The following PPP2R2C variants were observed in gnomAD, a reference collection of about 807,000 sequenced individuals.
The protein encoded by PPP2R2C is protein phosphatase 2, regulatory subunit B, gamma.
A neutral mutation model predicts 45.3 loss-of-function variants in PPP2R2C; 10 were observed. That is an observed-to-expected ratio of 0.22 (90% CI 0.14 to 0.37). PPP2R2C has a LOEUF of 0.37. Among genes scored for constraint, PPP2R2C ranks in the 10% least tolerant of loss-of-function variants. PPP2R2C has a pLI of 1.00. For synonymous variants in PPP2R2C, 257 were observed against 245.4 expected (o/e 1.05, Z -0.44); for missense variants, 308 against 619.7 (o/e 0.50, Z 5.34).
chr4:6,338,902 C>T (rs1411415944), intron 6 of PPP2R2C, among the ~76,000 whole-genome samples: 1 of 152,226 alleles, frequency 6.6e-6, no homozygotes, highest in African/African-American at 2.4e-5. Flanking sequence ...CTGAGCCCAG[C>T]TTCCCTCATC....
At chr4:6,492,702 C>T (rs544970015) in intron 2 of PPP2R2C, among the ~76,000 whole-genome samples, 8 of 152,180 alleles carry the variant, frequency 5.3e-5, no homozygotes, top group Non-Finnish European at 1.2e-4. Flanking sequence ...AAACTGCCTG[C>T]ACCCACATGC....
At position 6,559,395 on chromosome 4, in the gene PPP2R2C, G is replaced by GCACA. The variant is rs58400617; in HGVS notation, c.-59+4161_-59+4164dup. ...AATGGCAGTTCTGAAAAAATACACAGCACACACACACACACACACACACAC... is the reference window on the plus strand; with the variant it reads ...AATGGCAGTTCTGAAAAAATACACAGCACACACACACACACACACACACACACAC... On this transcript the variant is annotated intron_variant, in intron 1 of 9. Transcript: ENST00000506140. Among the ~76,000 whole-genome samples the GCACA allele has an allele frequency of 4.1e-3, 592 of 144,856 alleles. 1 individual carries two copies. Among genetic ancestry groups the GCACA allele is most frequent in the African/African-American group, 0.011 (403 of 37,794 alleles).
intron 1 of PPP2R2C, among the ~76,000 whole-genome samples, chr4:6,434,996 C>T (rs1478149103): frequency 2.6e-5 from 4 of 152,284 alleles, no homozygotes; most frequent in African/African-American, 7.2e-5. Context: ...CTCACCATAT[C>T]AATATTTTCT....
chr4:6,478,133 C>T (rs1185017640), intron 2 of PPP2R2C, among the ~76,000 whole-genome samples: 3 of 152,190 alleles, frequency 2.0e-5, no homozygotes, highest in East Asian at 1.9e-4. Flanking sequence ...CTCATGCTCC[C>T]GCCGACAGTG....
chr4:6,396,632 T>C (rs907871016), intron 1 of PPP2R2C, among the ~76,000 whole-genome samples: 4 of 152,244 alleles, frequency 2.6e-5, no homozygotes, highest in African/African-American at 9.6e-5. Flanking sequence ...AAGCATTTCA[T>C]ACCCATGATC....
intron 2 of PPP2R2C, among the ~76,000 whole-genome samples, chr4:6,533,846 G>T (rs1453568965): frequency 6.6e-6 from 1 of 151,962 alleles, no homozygotes; most frequent in Non-Finnish European, 1.5e-5. Flanking sequence ...CAGGCTGCTC[G>T]GTGAAAAGGT....
rs7682727 is a variant in PPP2R2C, at chr4:6,332,772, A to C, written c.960+790T>G. 6.6e-6 allele frequency among the ~76,000 whole-genome samples: 1 copy of C among 152,030 alleles called. No homozygotes were observed. The highest frequency in any genetic ancestry group is 1.5e-5 in the Non-Finnish European group (1 of 68,016). On this transcript the variant is annotated intron_variant, in intron 7 of 8. Transcript: ENST00000382599. This position sits in a 1 kb window ranked among gnomAD's most constrained non-coding sequence, Gnocchi z 4.9. ...ACAGATGTCAAGCACGTGGCACCCCATGTGTGAGGAGTGACACGGTGAGGA... is the reference window on the plus strand; with the variant it reads ...ACAGATGTCAAGCACGTGGCACCCCCTGTGTGAGGAGTGACACGGTGAGGA...
At chr4:6,451,755 G>C (rs969855920) in intron 1 of PPP2R2C, among the ~76,000 whole-genome samples, 2 of 152,164 alleles carry the variant, frequency 1.3e-5, no homozygotes, top group Non-Finnish European at 2.9e-5. Context: ...CCCGGCCTCA[G>C]TGCTCTGAGG....
intron 2 of PPP2R2C, among the ~76,000 whole-genome samples, chr4:6,479,991 A>G (rs953161524): frequency 6.6e-6 from 1 of 152,092 alleles, no homozygotes; most frequent in African/African-American, 2.4e-5. Flanking sequence ...GACTACACAC[A>G]CAAGCCAAAG....
chr4:6,383,815 C>T (rs1716033358), intron 1 of PPP2R2C: 14 of 998,944 alleles, frequency 1.4e-5, no homozygotes, highest in Non-Finnish European at 1.6e-5. Context: ...ATGCAGTAGC[C>T]AGGCCAGAGA....
intron 1 of PPP2R2C, among the ~76,000 whole-genome samples, chr4:6,547,718 T>C (rs938214652): frequency 2.0e-5 from 3 of 151,994 alleles, no homozygotes; most frequent in African/African-American, 7.3e-5. Flanking sequence ...GTGCAAAGGG[T>C]GATCTTTCAG....
In PPP2R2C at chr4:6,400,350, C is replaced by CAA. The variant is rs35519122; in HGVS notation, c.71-19258_71-19257dup. On this transcript the variant is annotated intron_variant, in intron 1 of 8. Transcript: ENST00000382599. Reference sequence around the variant, plus strand: ...TTTAAAACAAAACACAGTTATTTTCCAAAAAAAATATTATTTACGTTAACA... The same window carrying CAA: ...TTTAAAACAAAACACAGTTATTTTCCAAAAAAAAAATATTATTTACGTTAACA... 7.2e-5 allele frequency among the ~76,000 whole-genome samples: 11 copies of CAA among 151,848 alleles called. No homozygotes were observed. In the East Asian group the frequency reaches 7.8e-4, roughly 11 times the overall value.
chr4:6,505,472 G>A (rs1272426823), intron 2 of PPP2R2C, among the ~76,000 whole-genome samples: 5 of 152,088 alleles, frequency 3.3e-5, no homozygotes, highest in South Asian at 2.1e-4. Flanking sequence ...TAATCCATTC[G>A]ATAGCCATAG....
chr4:6,465,542 C>G (rs868415032), intron 1 of PPP2R2C, among the ~76,000 whole-genome samples: 11 of 152,048 alleles, frequency 7.2e-5, no homozygotes, highest in South Asian at 4.1e-4. Flanking sequence ...TGCAGAGCCT[C>G]TTATTCAAAA....
At chr4:6,437,141 C>T (rs770476491) in intron 1 of PPP2R2C, among the ~76,000 whole-genome samples, 5 of 152,186 alleles carry the variant, frequency 3.3e-5, no homozygotes, top group Non-Finnish European at 7.3e-5. Flanking sequence ...CCACTCTCAG[C>T]GTCATGGTGC....
intron 1 of PPP2R2C, among the ~76,000 whole-genome samples, chr4:6,458,288 C>T (rs574749720): frequency 2.0e-5 from 3 of 152,286 alleles, no homozygotes; most frequent in Admixed American, 1.3e-4. Context: ...TATCATAGAC[C>T]GGGTGGCTTA....
chr4:6,337,040 A>G (rs1732996233), intron 6 of PPP2R2C, among the ~76,000 whole-genome samples: 1 of 105,998 alleles, frequency 9.4e-6, no homozygotes, highest in South Asian at 3.8e-4. Context: ...CTAATTGGTC[A>G]TCTCACATGA....
chr4:6,468,227 G>A (rs1472183216), intron 1 of PPP2R2C, among the ~76,000 whole-genome samples: 7 of 152,136 alleles, frequency 4.6e-5, no homozygotes, highest in African/African-American at 1.4e-4. Flanking sequence ...GGTATCCAGG[G>A]CACAACCAGT....
intron 1 of PPP2R2C, among the ~76,000 whole-genome samples, chr4:6,416,998 C>G (rs1057185558): frequency 6.6e-6 from 1 of 152,198 alleles, no homozygotes; most frequent in African/African-American, 2.4e-5. Flanking sequence ...TGCTCCACTA[C>G]CCCCTGCTCC....
Sources: allele counts gnomAD v4.1 joint callset (sites outside exome capture counted in the v4.1 genomes callset), GRCh38; gene constraint gnomAD v4.1.1; non-coding constraint Gnocchi (gnomAD v3.1); transcripts MANE v1.5; gene names NCBI Gene and HGNC (gene_info 2026-07-23, HGNC 2026-07-21).